The following CEP350 variants were observed in gnomAD, a reference collection of about 807,000 sequenced individuals.
The protein encoded by CEP350 is centrosomal protein 350.
A neutral mutation model predicts 331.8 loss-of-function variants in CEP350; 126 were observed. That is an observed-to-expected ratio of 0.38 (90% CI 0.33 to 0.44). The LOEUF (loss-of-function observed/expected upper bound fraction) is 0.44. Ranked by LOEUF, CEP350 falls within the 20% of genes least tolerant of loss-of-function variation. The pLI is 1.00. For synonymous variants in CEP350, 1,200 were observed against 1,259.5 expected (o/e 0.95, Z 1.00); for missense variants, 3,406 against 3,634.6 (o/e 0.94, Z 1.62).
At chr1:179,957,250 A>G (rs762979523) in intron 1 of CEP350, among the ~76,000 whole-genome samples, 8 of 152,210 alleles carry the variant, frequency 5.3e-5, no homozygotes, top group Non-Finnish European at 1.0e-4. Flanking sequence ...AAAAGTAGTA[A>G]TATCTTGATG....
chr1:180,048,914 T>C (rs531937484), intron 22 of CEP350, among the ~76,000 whole-genome samples: 1 of 151,942 alleles, frequency 6.6e-6, no homozygotes, highest in African/African-American at 2.4e-5. Context: ...TACAAAAAAA[T>C]TAAAAATTAG....
Position 179,955,101 on chromosome 1 carries a change from G to C in CEP350, c.-55G>C. On this transcript the variant is annotated 5_prime_UTR_variant, in exon 1 of 38. Coordinates refer to ENST00000367607, the MANE Select transcript of CEP350 (RefSeq NM_014810.5). ...CACTGCACCCTCCGCCAGGCTCCGC[G>C]GGATGCACCGTGGTAGCCGAGGGCG... 6.8e-7 allele frequency: 1 copy of C among 1,472,320 alleles called. No homozygotes were observed. The highest frequency in any genetic ancestry group is 9.0e-7 in the Non-Finnish European group (1 of 1,114,882). 91.2% of individuals were successfully genotyped at this position (1,472,320 alleles called of 1,614,324 possible).
intron 2 of CEP350, 45 bp downstream of exon 2, chr1:179,986,299 T>G (rs541964791): frequency 1.5e-6 from 2 of 1,356,910 alleles, no homozygotes; most frequent in Admixed American, 4.2e-5. Context: ...CTCATTTAGG[T>G]CATGTGTATT....
chr1:180,072,392 A>G (rs924589787), intron 27 of CEP350, among the ~76,000 whole-genome samples: 2 of 152,144 alleles, frequency 1.3e-5, no homozygotes, highest in African/African-American at 2.4e-5. Context: ...GTACTAGGTC[A>G]TGCATGCATT....
chr1:180,093,955 T>A lies in CEP350; in HGVS notation c.7850T>A (p.Leu2617Gln), dbSNP rs146464423. Reference protein sequence around the residue: ...DVSEYFYEKSLPSVNDIEASV... With the variant: ...DVSEYFYEKSQPSVNDIEASV... Reference sequence around the variant, plus strand: ...AGTGAATATTTTTATGAGAAATCCCTACCTAGTGTGAATGATATAGAAGCC... The same window carrying A: ...AGTGAATATTTTTATGAGAAATCCCAACCTAGTGTGAATGATATAGAAGCC... Residue 2617 changes from leucine (L) to glutamine (Q), a missense_variant, in exon 34 of 38, where the codon CTA becomes CAA. Physicochemically the swap from Leu to Gln is moderately radical, Grantham distance 113. Around this residue, in one of 5 missense-constraint regions of CEP350, gnomAD observed 1,415 missense variants for 1,512.3 expected, o/e 0.94. Transcript: ENST00000367607. The A allele has an allele frequency of 5.1e-5, 82 of 1,613,730 alleles. No homozygotes were observed. Among genetic ancestry groups the A allele is most frequent in the Non-Finnish European group, 5.8e-5 (68 of 1,179,824 alleles).
At chr1:179,969,025 C>T in intron 1 of CEP350, 1 of 751,028 alleles carries the variant, frequency 1.3e-6, no homozygotes, top group South Asian at 1.3e-5. Flanking sequence ...GGTTTGACCA[C>T]CAGCCTCAAA....
chr1:179,959,756 AACAG>A (rs1412216952), intron 1 of CEP350, among the ~76,000 whole-genome samples: 3 of 152,210 alleles, frequency 2.0e-5, no homozygotes, highest in Admixed American at 1.3e-4. Flanking sequence ...TCTGGCTCAA[AACAG>A]ACAAACAAAC....
chr1:179,974,183 C>T (rs1042512100), intron 1 of CEP350, among the ~76,000 whole-genome samples: 2 of 151,928 alleles, frequency 1.3e-5, no homozygotes, highest in Non-Finnish European at 1.5e-5. Flanking sequence ...GGGTTCATGC[C>T]ATTCTCCTGC....
chr1:179,955,083 C>A lies in CEP350; in HGVS notation c.-73C>A. ...GGCCGGTCGGGGCGGCGTCACTGCA[C>A]CCTCCGCCAGGCTCCGCGGGATGCA... is the stretch of plus-strand genomic sequence containing the variant. On this transcript the variant is annotated 5_prime_UTR_variant, in exon 1 of 38. Coordinates refer to ENST00000367607, the MANE Select transcript of CEP350 (RefSeq NM_014810.5). The A allele has an allele frequency of 6.9e-7, 1 of 1,457,486 alleles. No homozygotes were observed. Among genetic ancestry groups the A allele is most frequent in the Non-Finnish European group, 9.0e-7 (1 of 1,107,782 alleles). The allele number at this position is 1,457,486 out of a possible 1,614,324, so 90.3% of individuals were successfully genotyped here.
chr1:180,001,487 G>T (rs974365771), intron 6 of CEP350, among the ~76,000 whole-genome samples: 2 of 152,070 alleles, frequency 1.3e-5, no homozygotes, highest in Non-Finnish European at 2.9e-5. Context: ...TCAAACTCTT[G>T]GCCTCAAGTG....
intron 3 of CEP350, among the ~76,000 whole-genome samples, chr1:179,987,577 A>C (rs1017379670): frequency 6.6e-6 from 1 of 150,856 alleles, no homozygotes; most frequent in Non-Finnish European, 1.5e-5. Flanking sequence ...TAAATGGTAA[A>C]GTCATAAACA....
intron 21 of CEP350, among the ~76,000 whole-genome samples, chr1:180,045,006 A>G (rs1657030286): frequency 6.6e-6 from 1 of 152,032 alleles, no homozygotes; most frequent in African/African-American, 2.4e-5. Flanking sequence ...TTCCTTGCTG[A>G]CATTCATATT....
intron 17 of CEP350, 157 bp downstream of exon 17, chr1:180,037,246 A>T: frequency 4.1e-6 from 2 of 487,132 alleles, no homozygotes; most frequent in Non-Finnish European, 6.8e-6. Context: ...CTGTCGGGAC[A>T]CTAAAAAGAT....
chr1:179,958,578 G>T (rs776469379), intron 1 of CEP350, among the ~76,000 whole-genome samples: 3 of 152,112 alleles, frequency 2.0e-5, no homozygotes, highest in African/African-American at 4.8e-5. Context: ...GGAACCATGC[G>T]GTGGACCTTC....
At chr1:180,090,096 C>A (rs914076578) in intron 32 of CEP350, among the ~76,000 whole-genome samples, 6 of 152,278 alleles carry the variant, frequency 3.9e-5, no homozygotes, top group African/African-American at 1.4e-4. Flanking sequence ...GACAAATTTT[C>A]TTCCTGCAGA....
At chr1:180,077,978 C>T (rs1166178190) in intron 28 of CEP350, among the ~76,000 whole-genome samples, 3 of 151,896 alleles carry the variant, frequency 2.0e-5, no homozygotes, top group Admixed American at 1.3e-4. Flanking sequence ...ACTAAAAAGA[C>T]AAAAATTAGC....
intron 14 of CEP350, 74 bp downstream of exon 14, chr1:180,024,656 A>G (rs1655549970): frequency 1.4e-6 from 2 of 1,478,346 alleles, no homozygotes; most frequent in African/African-American, 2.8e-5. Flanking sequence ...TTATGATTTG[A>G]TTGCATAAGA....
chr1:179,965,503 GA>G (rs1650934872), intron 1 of CEP350, among the ~76,000 whole-genome samples: 1 of 151,884 alleles, frequency 6.6e-6, no homozygotes, highest in Non-Finnish European at 1.5e-5. Context: ...TTTACAAATG[GA>G]AATCTCCTTT....
rs773532207 is a variant in CEP350, at chr1:180,024,404, T to C, written c.3387-15T>C. The C allele has an allele frequency of 6.3e-7, 1 of 1,596,648 alleles. No homozygotes were observed. Among genetic ancestry groups the C allele is most frequent in the Admixed American group, 1.8e-5 (1 of 56,446 alleles). On this transcript the variant is annotated splice_polypyrimidine_tract_variant and intron_variant, in intron 13 of 37. Transcript: ENST00000367607. ...ACTTTTCTTTCTGGAACTACTATTATTTATTCTTTGACAGTAGCACTTTAA... is the reference window on the plus strand; with the variant it reads ...ACTTTTCTTTCTGGAACTACTATTACTTATTCTTTGACAGTAGCACTTTAA...
Sources: allele counts gnomAD v4.1 joint callset (sites outside exome capture counted in the v4.1 genomes callset), GRCh38; gene constraint gnomAD v4.1.1; regional missense constraint gnomAD v4.1.1; transcripts MANE v1.5; gene names NCBI Gene and HGNC (gene_info 2026-07-23, HGNC 2026-07-21).